The following ABLIM1 variants were observed in gnomAD, a reference collection of about 807,000 sequenced individuals.
The protein encoded by ABLIM1 is actin binding LIM protein 1, also known as actin-binding LIM protein 1.
A neutral mutation model predicts 107.0 loss-of-function variants in ABLIM1; 40 were observed. The ratio of observed to expected loss-of-function variants is 0.37; its 90% CI spans 0.29 to 0.49. The LOEUF (loss-of-function observed/expected upper bound fraction) is 0.49. Among genes scored for constraint, ABLIM1 ranks in the 20% least tolerant of loss-of-function variants. The pLI, the probability that ABLIM1 is intolerant of heterozygous loss-of-function variation, is 0.97. For missense variants in ABLIM1, 857 were observed against 1,008.5 expected (o/e 0.85, Z 2.04); for synonymous variants, 357 against 357.3 (o/e 1.00, Z 0.01).
At chr10:114,439,752 T>C (rs749265127) in intron 20 of ABLIM1, 28 of 395,444 alleles carry the variant, frequency 7.1e-5, no homozygotes, top group Non-Finnish European at 1.1e-4. Context: ...CCTAAAGTAC[T>C]GAGAGATTAT....
At chr10:114,758,107 C>T (rs555210915) in intron 1 of ABLIM1, among the ~76,000 whole-genome samples, 1 of 152,254 alleles carries the variant, frequency 6.6e-6, no homozygotes, top group South Asian at 2.1e-4. Flanking sequence ...TGCAATAGCA[C>T]CTTCCCCACA....
intron 6 of ABLIM1, chr10:114,526,570 C>T (rs563071084): frequency 4.8e-5 from 45 of 932,280 alleles, no homozygotes; most frequent in Admixed American, 6.2e-5. Flanking sequence ...AGGATCCGAG[C>T]GGCCTCCGAC....
chr10:114,780,273 G>T, the ABLIM1 span, among the ~76,000 whole-genome samples: 2 of 152,188 alleles, frequency 1.3e-5, no homozygotes, highest in Non-Finnish European at 2.9e-5. Flanking sequence ...GAAACTTTCT[G>T]TGGGAAGAAA....
At chr10:114,774,665 G>A in the ABLIM1 span, among the ~76,000 whole-genome samples, 11 of 152,300 alleles carry the variant, frequency 7.2e-5, no homozygotes, top group African/African-American at 2.6e-4. Flanking sequence ...GTTAAACAGA[G>A]TAATAAGTAA....
chr10:114,756,896 T>C (rs1566309113), intron 1 of ABLIM1, among the ~76,000 whole-genome samples: 1 of 152,196 alleles, frequency 6.6e-6, no homozygotes, highest in African/African-American at 2.4e-5. Context: ...GGACACGTTG[T>C]AGTGCAACTT....
chr10:114,716,788 A>G (rs1029981643), intron 1 of ABLIM1, among the ~76,000 whole-genome samples: 2 of 151,262 alleles, frequency 1.3e-5, no homozygotes, highest in Non-Finnish European at 2.9e-5. Flanking sequence ...CTGCTTCTGC[A>G]GATGCCAATT....
chr10:114,465,618 A>T, intron 12 of ABLIM1, 80 bp downstream of exon 12: 1 of 1,517,716 alleles, frequency 6.6e-7, no homozygotes, highest in East Asian at 2.3e-5. Context: ...TGATTTTTCA[A>T]TGTGCTATCA....
At chr10:114,685,302 T>C (rs1043105152), upstream of ABLIM1, among the ~76,000 whole-genome samples, 1 of 152,166 alleles carries the variant, frequency 6.6e-6, no homozygotes, top group African/African-American at 2.4e-5. Context: ...GAAACTGGCA[T>C]AATTGCTTTA....
intron 1 of ABLIM1, among the ~76,000 whole-genome samples, chr10:114,625,771 C>A (rs574309214): frequency 5.9e-5 from 9 of 152,176 alleles, no homozygotes; most frequent in Admixed American, 2.6e-4. Flanking sequence ...GGTTTTGGAG[C>A]CAGATAGGCA....
intron 4 of ABLIM1, among the ~76,000 whole-genome samples, chr10:114,556,339 C>T (rs1296820375): frequency 6.6e-6 from 1 of 152,228 alleles, no homozygotes; most frequent in Non-Finnish European, 1.5e-5. Flanking sequence ...AGCTCAGCCC[C>T]TGACATGTGG....
intron 1 of ABLIM1, among the ~76,000 whole-genome samples, chr10:114,748,852 C>T (rs111491104): frequency 0.053 from 8,045 of 151,696 alleles, 327 homozygotes; most frequent in African/African-American, 0.11. Context: ...TTTGTAGAGA[C>T]GGGGGTCTCC....
chr10:114,483,486 A>G (rs1055034842), intron 8 of ABLIM1, among the ~76,000 whole-genome samples: 3 of 152,092 alleles, frequency 2.0e-5, no homozygotes, highest in Admixed American at 2.0e-4. Context: ...CATATTGCCC[A>G]GGCTGGTCTC....
At chr10:114,780,785 A>T in the ABLIM1 span, among the ~76,000 whole-genome samples, 7 of 152,158 alleles carry the variant, frequency 4.6e-5, no homozygotes, top group Non-Finnish European at 1.0e-4. Context: ...TTTTGACTGC[A>T]TGGTAAAACA....
chr10:114,655,181 T>C (rs895857499), intron 1 of ABLIM1, among the ~76,000 whole-genome samples: 1 of 152,200 alleles, frequency 6.6e-6, no homozygotes, highest in Non-Finnish European at 1.5e-5. Flanking sequence ...GTAGAAGAGC[T>C]GGGAGTCAAA....
In ABLIM1 at chr10:114,613,278, G is replaced by A. The variant is rs371858062; in HGVS notation, c.245-11317C>T. Reference sequence around the variant, plus strand: ...CGAAAATCTTGAGGGGGTTTCTGGGGAGAAGAAAATAAAATTTTAAGGGAT... The same window carrying A: ...CGAAAATCTTGAGGGGGTTTCTGGGAAGAAGAAAATAAAATTTTAAGGGAT... On this transcript the variant is annotated intron_variant, in intron 1 of 22. Coordinates refer to ENST00000533213, the MANE Select transcript of ABLIM1 (RefSeq NM_002313.7). 6.8e-4 allele frequency among the ~76,000 whole-genome samples: 103 copies of A among 152,316 alleles called. 1 individual carries two copies. In the South Asian group the frequency reaches 0.02, roughly 29 times the overall value.
At chr10:114,550,935 G>C (rs1422245933) in intron 4 of ABLIM1, among the ~76,000 whole-genome samples, 1 of 152,174 alleles carries the variant, frequency 6.6e-6, no homozygotes, top group Non-Finnish European at 1.5e-5. Context: ...TTCAGAGATG[G>C]CTTTTCATTT....
intron 5 of ABLIM1, among the ~76,000 whole-genome samples, chr10:114,546,959 A>G (rs753441712): frequency 2.6e-5 from 4 of 151,356 alleles, no homozygotes; most frequent in Non-Finnish European, 2.9e-5. Flanking sequence ...TTGCTTATTT[A>G]TTTATTTATA....
At chr10:114,476,974 TA>T (rs1369840778) in intron 8 of ABLIM1, among the ~76,000 whole-genome samples, 1 of 152,124 alleles carries the variant, frequency 6.6e-6, no homozygotes, top group Non-Finnish European at 1.5e-5. Flanking sequence ...TTCCCAGGCT[TA>T]ATCTCATGTA....
rs746466130 is a variant in ABLIM1, at chr10:114,545,120, G to C, written c.801-22C>G. The C allele has an allele frequency of 1.9e-6, 3 of 1,611,500 alleles. No homozygotes were observed. The Admixed American group carries it at 5.0e-5, about 27-fold the overall frequency. On this transcript the variant is annotated intron_variant, in intron 5 of 22. Transcript: ENST00000533213. ...ATCCCTGCAAGACAAAAACGTGTTCGGCTCCTGAGGAGGTGGCCAGGGGCT... is the reference window on the plus strand; with the variant it reads ...ATCCCTGCAAGACAAAAACGTGTTCCGCTCCTGAGGAGGTGGCCAGGGGCT...
Sources: gnomAD v4.1 joint callset for allele counts (sites outside exome capture counted in the v4.1 genomes callset) on GRCh38, gnomAD v4.1.1 for gene constraint, MANE v1.5 for transcripts, NCBI Gene and HGNC (gene_info 2026-07-23, HGNC 2026-07-21) for gene names.